Variants in CTNNA3 observed in about 807,000 individuals in gnomAD.
CTNNA3 encodes the protein catenin alpha 3, also known as catenin alpha-3.
Under a neutral mutation model 95.7 loss-of-function variants are expected in CTNNA3, and 76 were observed. The observed-to-expected ratio is 0.79, with a 90% CI of 0.66 to 0.96. The LOEUF is 0.96. Among genes scored for constraint, CTNNA3 ranks in the 40% least tolerant of loss-of-function variants. CTNNA3 has a pLI of 0.00. For missense variants in CTNNA3, 1,191 were observed against 1,089.8 expected (o/e 1.09, Z -1.31); for synonymous variants, 431 against 374.4 (o/e 1.15, Z -1.74).
At chr10:66,862,097 C>T (rs1389407088) in intron 7 of CTNNA3, among the ~76,000 whole-genome samples, 1 of 151,962 alleles carries the variant, frequency 6.6e-6, no homozygotes, top group East Asian at 1.9e-4. Flanking sequence ...TGCTGTAGTC[C>T]CAGCTGCTCG....
chr10:67,204,113 C>T (rs924486766), intron 6 of CTNNA3, among the ~76,000 whole-genome samples: 13 of 151,502 alleles, frequency 8.6e-5, no homozygotes, highest in South Asian at 4.2e-4. Flanking sequence ...TAAAGCAAAT[C>T]TCTTAGACCT....
intron 6 of CTNNA3, among the ~76,000 whole-genome samples, chr10:67,213,702 T>C (rs1042298299): frequency 2.0e-5 from 3 of 151,780 alleles, no homozygotes; most frequent in Non-Finnish European, 4.4e-5. Context: ...CATGACCCAG[T>C]AGTTATACAG....
intron 9 of CTNNA3, among the ~76,000 whole-genome samples, chr10:66,624,406 A>C (rs1844859789): frequency 6.6e-6 from 1 of 152,156 alleles, no homozygotes; most frequent in Non-Finnish European, 1.5e-5. Context: ...AAGAAAAAGA[A>C]AAGAAAAAAA....
At chr10:67,330,113 A>T (rs1841719946) in intron 5 of CTNNA3, among the ~76,000 whole-genome samples, 1 of 152,202 alleles carries the variant, frequency 6.6e-6, no homozygotes. Context: ...CTCAAAGCAT[A>T]ATTACAGCTG....
chr10:66,963,902 G>A (rs927847812), intron 7 of CTNNA3, among the ~76,000 whole-genome samples: 1 of 151,592 alleles, frequency 6.6e-6, no homozygotes, highest in African/African-American at 2.4e-5. Flanking sequence ...GAGTGCAGTG[G>A]CGCAATCTCG....
At chr10:66,826,489 T>C (rs10822921) in intron 7 of CTNNA3, among the ~76,000 whole-genome samples, 37,732 of 151,988 alleles carry the variant, frequency 0.25, 5,205 homozygotes, top group Non-Finnish European at 0.31. Flanking sequence ...TTGCCCAGCC[T>C]AGAATGTTTG....
intron 5 of CTNNA3, among the ~76,000 whole-genome samples, chr10:67,406,568 A>T (rs745531981): frequency 2.6e-4 from 40 of 152,158 alleles, no homozygotes; most frequent in Non-Finnish European, 5.0e-4. Context: ...TAAATAACCA[A>T]AAGCAGAGCT....
chr10:67,687,628 G>A (rs992150515), intron 1 of CTNNA3, among the ~76,000 whole-genome samples: 2 of 152,086 alleles, frequency 1.3e-5, no homozygotes, highest in Non-Finnish European at 2.9e-5. Context: ...TGTTCAGGGC[G>A]CAAGGCTCGC....
At chr10:66,713,099 C>A (rs1848346550) in intron 9 of CTNNA3, among the ~76,000 whole-genome samples, 1 of 152,110 alleles carries the variant, frequency 6.6e-6, no homozygotes, top group Non-Finnish European at 1.5e-5. Flanking sequence ...AGCTTTAGTT[C>A]CACACAGGAG....
intron 5 of CTNNA3, among the ~76,000 whole-genome samples, chr10:67,504,435 CAAAAAAAAAAA>C (rs60719599): frequency 2.2e-3 from 35 of 16,152 alleles, no homozygotes; most frequent in Non-Finnish European, 2.9e-3. Context: ...GACTCCATCT[CAAAAAAAAAAA>C]AAAAAAAAAA....
intron 11 of CTNNA3, among the ~76,000 whole-genome samples, chr10:66,495,837 G>C (rs1840081363): frequency 6.6e-6 from 1 of 152,006 alleles, no homozygotes; most frequent in African/African-American, 2.4e-5. Flanking sequence ...TGCATTTTTA[G>C]TAGAGACAGG....
intron 7 of CTNNA3, among the ~76,000 whole-genome samples, chr10:67,010,888 A>G (rs1852282092): frequency 6.6e-6 from 1 of 152,206 alleles, no homozygotes. Flanking sequence ...TATGGTTAAC[A>G]TTATTTCTTC....
chr10:67,199,095 A>G (rs999742637), intron 6 of CTNNA3, among the ~76,000 whole-genome samples: 3 of 151,846 alleles, frequency 2.0e-5, no homozygotes, highest in African/African-American at 7.3e-5. Context: ...TGAGAAGGGG[A>G]CTGACAGGAT....
intron 11 of CTNNA3, among the ~76,000 whole-genome samples, chr10:66,380,032 G>A (rs2092824903): frequency 6.6e-6 from 1 of 152,158 alleles, no homozygotes; most frequent in African/African-American, 2.4e-5. Context: ...TAGTGTTCTG[G>A]CTTCTGGCTT....
chr10:66,892,383 G>A (rs906544181), intron 7 of CTNNA3, among the ~76,000 whole-genome samples: 1 of 152,074 alleles, frequency 6.6e-6, no homozygotes, highest in South Asian at 2.1e-4. Context: ...TTCCCTCCCG[G>A]AAAACCAATA....
chr10:67,659,121 ATTACT>A (rs925722228), intron 1 of CTNNA3, among the ~76,000 whole-genome samples: 6 of 152,092 alleles, frequency 3.9e-5, no homozygotes, highest in Non-Finnish European at 8.8e-5. Context: ...AAAAAAAAAA[ATTACT>A]TTAACCAATA....
At chr10:66,926,038 C>T (rs754874543) in intron 7 of CTNNA3, 1 of 456,932 alleles carries the variant, frequency 2.2e-6, no homozygotes, top group Admixed American at 2.3e-5. Context: ...ACCAAAGCAA[C>T]AGTCCGAGCA....
In CTNNA3 at chr10:67,235,726, C is replaced by A. The variant is rs866936198; in HGVS notation, c.580-15856G>T. On this transcript the variant is annotated intron_variant, in intron 5 of 17. Coordinates refer to ENST00000433211, the MANE Select transcript of CTNNA3 (RefSeq NM_013266.4). ...AGAAACTACCATCAGAGTGAACAGG[C>A]AACCTACAAAATGGGAGAAAATTTT... Among the ~76,000 whole-genome samples, 1,355 of 143,414 alleles carry A rather than the reference C, an allele frequency of 9.4e-3. 52 individuals are homozygous for A. Among genetic ancestry groups the A allele is most frequent in the African/African-American group, 0.023 (846 of 37,372 alleles). 94.1% of individuals were successfully genotyped at this position (143,414 alleles called of 152,430 possible).
At position 66,038,354 on chromosome 10, in the gene CTNNA3, A is replaced by G. The variant is rs560947359; in HGVS notation, c.2159+30954T>C. Among the ~76,000 whole-genome samples the G allele has an allele frequency of 4.6e-5, 7 of 152,288 alleles. No individual in the cohort carries two copies. The South Asian group carries it at 1.4e-3, about 32-fold the overall frequency. On this transcript the variant is annotated intron_variant, in intron 15 of 17. Coordinates refer to ENST00000433211, the MANE Select transcript of CTNNA3 (RefSeq NM_013266.4). ...GAGTCTCAGGCAGAGGATGCTTTCT[A>G]TGAGGATCAGCCTCTCTAACCTCTT...
Sources: allele counts gnomAD v4.1 joint callset (sites outside exome capture counted in the v4.1 genomes callset), GRCh38; gene constraint gnomAD v4.1.1; transcripts MANE v1.5; gene names NCBI Gene and HGNC (gene_info 2026-07-23, HGNC 2026-07-21).